ABLIM1: variants seen among roughly 807,000 people sequenced by gnomAD.
ABLIM1 encodes actin binding LIM protein 1.
In ABLIM1, 40 loss-of-function variants were observed where a neutral mutation model predicts 107.0. That is an observed-to-expected ratio of 0.37 (90% CI 0.29 to 0.49). ABLIM1 has a LOEUF of 0.49. ABLIM1 is among the 20% of genes least tolerant of loss of function. The pLI is 0.97. For synonymous variants in ABLIM1, 357 were observed against 357.3 expected (o/e 1.00, Z 0.01); for missense variants, 857 against 1,008.5 (o/e 0.85, Z 2.04).
chr10:114,480,485 C>A (rs2057174334), intron 8 of ABLIM1, among the ~76,000 whole-genome samples: 1 of 152,166 alleles, frequency 6.6e-6, no homozygotes, highest in Non-Finnish European at 1.5e-5. Flanking sequence ...TGCAGAAAAA[C>A]CAACTCGAAA....
intron 11 of ABLIM1, among the ~76,000 whole-genome samples, chr10:114,466,855 A>T (rs1028321137): frequency 6.6e-6 from 1 of 152,192 alleles, no homozygotes; most frequent in Admixed American, 6.5e-5. Flanking sequence ...ATTGGGGCAC[A>T]ATTAAGAAAT....
intron 20 of ABLIM1, 109 bp downstream of exon 20, chr10:114,439,973 C>T (rs2059964123): frequency 6.4e-7 from 1 of 1,567,466 alleles, no homozygotes; most frequent in Non-Finnish European, 8.7e-7. Flanking sequence ...AGATCAACCA[C>T]AACAAGCATC....
intron 1 of ABLIM1, among the ~76,000 whole-genome samples, chr10:114,640,692 AGTT>A (rs540346483): frequency 5.3e-5 from 8 of 152,264 alleles, no homozygotes; most frequent in Non-Finnish European, 8.8e-5. Flanking sequence ...TTGAGTTAAA[AGTT>A]GTTGTATTTG....
At position 114,522,333 on chromosome 10, in the gene ABLIM1, G is replaced by A. The variant is rs185395102; in HGVS notation, c.894+22672C>T. Among the ~76,000 whole-genome samples the A allele has an allele frequency of 4.0e-4, 61 of 152,016 alleles. No individual in the cohort carries two copies. In the South Asian group the frequency reaches 6.0e-3, roughly 15 times the overall value. On this transcript the variant is annotated intron_variant, in intron 6 of 22. Transcript: ENST00000533213. The stretch of plus-strand genomic sequence containing the variant: ...ACCCCCCACTTATTCCCTAAACTTC[G>A]TTATATAAGGGCCAACATCTTCTTT...
chr10:114,609,668 G>C (rs530097984), intron 1 of ABLIM1, among the ~76,000 whole-genome samples: 38 of 152,302 alleles, frequency 2.5e-4, no homozygotes, highest in Non-Finnish European at 3.4e-4. Context: ...AGGGAAAATA[G>C]GGTTATCCCT....
chr10:114,571,259 C>T, intron 4 of ABLIM1, 38 bp downstream of exon 4: 1 of 1,587,590 alleles, frequency 6.3e-7, no homozygotes, highest in Non-Finnish European at 8.7e-7. Context: ...CTCTGGACTA[C>T]ATAGGTATTC....
chr10:114,547,526 T>C, intron 5 of ABLIM1, 124 bp downstream of exon 5: 2 of 1,307,688 alleles, frequency 1.5e-6, no homozygotes, highest in South Asian at 1.5e-5. Context: ...AAGTTCATTA[T>C]GATGGCAGGA....
At chr10:114,745,963 G>A (rs755206827) in intron 1 of ABLIM1, among the ~76,000 whole-genome samples, 41 of 152,178 alleles carry the variant, frequency 2.7e-4, no homozygotes, top group Non-Finnish European at 4.9e-4. Flanking sequence ...CTCAAAATAA[G>A]AGAAAGGTCT....
intron 1 of ABLIM1, among the ~76,000 whole-genome samples, chr10:114,622,198 C>T (rs1463206660): frequency 6.6e-6 from 1 of 152,040 alleles, no homozygotes; most frequent in Non-Finnish European, 1.5e-5. Context: ...TCAGATACTC[C>T]AATGAGGAAC....
At chr10:114,559,321 A>G (rs1448539240) in intron 4 of ABLIM1, among the ~76,000 whole-genome samples, 1 of 151,312 alleles carries the variant, frequency 6.6e-6, no homozygotes, top group African/African-American at 2.4e-5. Context: ...TCTGATTTCT[A>G]GTCGGGTGTG....
chr10:114,450,226 A>G (rs1040900377), intron 14 of ABLIM1: 1 of 202,044 alleles, frequency 4.9e-6, no homozygotes, highest in African/African-American at 2.4e-5. Context: ...AAAAAAAAAC[A>G]AAAACAATGT....
At chr10:114,626,281 A>G (rs1451877185) in intron 1 of ABLIM1, among the ~76,000 whole-genome samples, 1 of 152,154 alleles carries the variant, frequency 6.6e-6, no homozygotes, top group African/African-American at 2.4e-5. Context: ...AGGGTGCTGG[A>G]CCCAGCAGCT....
chr10:114,718,039 G>GAA (rs2081728524), intron 1 of ABLIM1, among the ~76,000 whole-genome samples: 1 of 77,174 alleles, frequency 1.3e-5, no homozygotes, highest in African/African-American at 5.7e-5. Context: ...AGGAGAAAGA[G>GAA]AAAGAGAAAG....
the ABLIM1 span, among the ~76,000 whole-genome samples, chr10:114,797,067 A>T: frequency 6.6e-5 from 10 of 152,156 alleles, no homozygotes; most frequent in African/African-American, 2.4e-4. Context: ...CAATAAATCC[A>T]ATCATCTCAC....
intron 2 of ABLIM1, among the ~76,000 whole-genome samples, chr10:114,592,108 G>A (rs1424001616): frequency 1.3e-5 from 2 of 152,070 alleles, no homozygotes; most frequent in African/African-American, 4.8e-5. Flanking sequence ...GGGGACACAG[G>A]CAATACACAA....
chr10:114,751,617 G>T lies in ABLIM1; in HGVS notation c.-213+16444C>A, dbSNP rs943563695. Among the ~76,000 whole-genome samples, 19 of 152,028 alleles carry T rather than the reference G, an allele frequency of 1.2e-4. No homozygotes were observed. The South Asian group carries it at 3.7e-3, about 30-fold the overall frequency. ...ATACAAAAATTAGCTGGGCATGGTG[G>T]CGCACACATGTAGTCCCAGCTACTC... On this transcript the variant is annotated intron_variant, in intron 1 of 15. Coordinates refer to the ABLIM1 transcript ENST00000651092.
chr10:114,655,070 C>G (rs953439139), intron 1 of ABLIM1, among the ~76,000 whole-genome samples: 3 of 152,150 alleles, frequency 2.0e-5, no homozygotes, highest in Non-Finnish European at 2.9e-5. Context: ...TAGGGATAGG[C>G]CTGCTCAAAG....
At chr10:114,737,300 C>T (rs2082200445) in intron 1 of ABLIM1, among the ~76,000 whole-genome samples, 1 of 152,310 alleles carries the variant, frequency 6.6e-6, no homozygotes, top group Admixed American at 6.5e-5. Context: ...CAGCAAGACC[C>T]TGTCTCAAAA....
rs758347139 is a variant in ABLIM1 at position 114,763,997 on chromosome 10, A to G, written c.-213+4064T>C. Among the ~76,000 whole-genome samples, 42 of 151,830 alleles carry G rather than the reference A, an allele frequency of 2.8e-4. 1 individual carries two copies. The highest frequency in any genetic ancestry group is 5.3e-4 in the Non-Finnish European group (36 of 67,940). Reference sequence around the variant, plus strand: ...AGAATCACTTTTCACATGTTTTGGGACTCTATCTTTAGTGTTTAGAAACCA... The same window carrying G: ...AGAATCACTTTTCACATGTTTTGGGGCTCTATCTTTAGTGTTTAGAAACCA... On this transcript the variant is annotated intron_variant, in intron 1 of 15. Coordinates refer to the ABLIM1 transcript ENST00000651092.
Sources: gnomAD v4.1 joint callset for allele counts (sites outside exome capture counted in the v4.1 genomes callset) on GRCh38, gnomAD v4.1.1 for gene constraint, MANE v1.5 for transcripts, NCBI Gene and HGNC (gene_info 2026-07-23, HGNC 2026-07-21) for gene names.